Variants in ATP6V1D observed in about 807,000 individuals in gnomAD.
ATP6V1D encodes the protein ATPase H+ transporting V1 subunit D, also known as V-type proton ATPase subunit D.
Under a neutral mutation model 39.4 loss-of-function variants are expected in ATP6V1D, and 20 were observed. The observed-to-expected ratio is 0.51, with a 90% CI of 0.36 to 0.74. ATP6V1D has a LOEUF of 0.74. Among genes scored for constraint, ATP6V1D ranks in the 30% least tolerant of loss-of-function variants. The pLI is 0.00. For synonymous variants in ATP6V1D, 100 were observed against 100.5 expected (o/e 0.99, Z 0.03); for missense variants, 228 against 291.6 (o/e 0.78, Z 1.59).
intron 8 of ATP6V1D, among the ~76,000 whole-genome samples, chr14:67,339,806 G>C (rs184789885): frequency 1.9e-4 from 29 of 152,086 alleles, no homozygotes; most frequent in East Asian, 7.7e-4. Flanking sequence ...TCATTTTAAA[G>C]AATAATCAAG....
Position 67,340,485 on chromosome 14 carries a change from T to G in ATP6V1D, c.557A>C (p.Tyr186Ser). 1 of 1,613,640 alleles carries G rather than the reference T, an allele frequency of 6.2e-7. No homozygotes were observed. The highest frequency in any genetic ancestry group is 1.1e-5 in the South Asian group (1 of 91,078). ...IIPRIERTLA[Y>S]IITELDERER... ...TCTCTCATCCAGCTCTGTGATGATATAAGCAAGAGTACGTTCAATCCGGGG... is the reference window on the plus strand; with the variant it reads ...TCTCTCATCCAGCTCTGTGATGATAGAAGCAAGAGTACGTTCAATCCGGGG... Residue 186 changes from tyrosine (Y) to serine (S), a missense_variant, in exon 8 of 9, where the codon TAT (tyrosine) becomes TCT (serine). This residue lies in a region of ATP6V1D where 114 missense variants were observed against 128.3 expected (regional missense o/e 0.89). Transcript: ENST00000216442.
At chr14:67,354,048 G>C (rs1353134327) in intron 1 of ATP6V1D, 1 of 151,560 alleles carries the variant, frequency 6.6e-6, no homozygotes, top group Non-Finnish European at 1.5e-5. Context: ...CAGCAAGAAG[G>C]CCCTCACCCT....
At chr14:67,341,338 T>C (rs950756893) in intron 7 of ATP6V1D, among the ~76,000 whole-genome samples, 40 of 148,576 alleles carry the variant, frequency 2.7e-4, no homozygotes, top group African/African-American at 1.0e-3. Flanking sequence ...GTCTGAGAAG[T>C]GAGGAGACCC....
intron 7 of ATP6V1D, among the ~76,000 whole-genome samples, chr14:67,341,565 G>A (rs927548300): frequency 2.0e-5 from 3 of 150,510 alleles, no homozygotes; most frequent in Non-Finnish European, 3.0e-5. Flanking sequence ...GGGAGGTGGG[G>A]GGGTCAGCCC....
At chr14:67,355,583 G>C (rs974742846) in intron 1 of ATP6V1D, among the ~76,000 whole-genome samples, 1 of 151,634 alleles carries the variant, frequency 6.6e-6, no homozygotes, top group Non-Finnish European at 1.5e-5. Context: ...TAGATTGGGT[G>C]ATCAGGAACA....
At chr14:67,351,310 C>T (rs1310677335) in intron 2 of ATP6V1D, among the ~76,000 whole-genome samples, 3 of 152,032 alleles carry the variant, frequency 2.0e-5, no homozygotes, top group Non-Finnish European at 4.4e-5. Flanking sequence ...AGCTACCTAC[C>T]TCACATCATA....
intron 1 of ATP6V1D, among the ~76,000 whole-genome samples, chr14:67,358,911 T>A (rs186224145): frequency 3.9e-5 from 6 of 152,130 alleles, no homozygotes; most frequent in African/African-American, 1.4e-4. Flanking sequence ...TCAAGAAATA[T>A]TTTTTTGTGG....
chr14:67,343,452 AAATTAAT>A lies in ATP6V1D; in HGVS notation c.457-21_457-15del. 1 of 1,551,262 alleles carries A rather than the reference AAATTAAT, an allele frequency of 6.4e-7. No homozygotes were observed. Among genetic ancestry groups the A allele is most frequent in the Non-Finnish European group, 8.9e-7 (1 of 1,123,652 alleles). On this transcript the variant is annotated splice_polypyrimidine_tract_variant and intron_variant, in intron 6 of 8. Transcript: ENST00000216442. Reference sequence around the variant, plus strand: ...AACAAAAGAAGTCTAAAATAAGAACAAATTAATAATGTAAGCACAAAGTCTTCCTAAT... The same window carrying A: ...AACAAAAGAAGTCTAAAATAAGAACAAATGTAAGCACAAAGTCTTCCTAAT...
At chr14:67,357,752 G>A (rs966223322) in intron 1 of ATP6V1D, among the ~76,000 whole-genome samples, 3 of 152,162 alleles carry the variant, frequency 2.0e-5, no homozygotes, top group Admixed American at 6.5e-5. Flanking sequence ...GTAAGGGAGT[G>A]GCAGGGAGCC....
chr14:67,347,388 T>C (rs770255734), intron 5 of ATP6V1D, 21 bp downstream of exon 5: 1 of 1,573,512 alleles, frequency 6.4e-7, no homozygotes, highest in South Asian at 1.1e-5. Context: ...CACAAAGTAA[T>C]ACAAAAAGTT....
chr14:67,359,468 G>A (rs1298370268), intron 1 of ATP6V1D, among the ~76,000 whole-genome samples, 190 bp downstream of exon 1: 1 of 152,046 alleles, frequency 6.6e-6, no homozygotes, highest in Admixed American at 6.5e-5. Context: ...GCTTCGTCCA[G>A]CCTGATTCAC....
chr14:67,345,909 A>G (rs1389690120), intron 5 of ATP6V1D, 38 bp from the exon 6 acceptor site: 1 of 1,317,312 alleles, frequency 7.6e-7, no homozygotes, highest in African/African-American at 1.5e-5. Context: ...TAATTAGAGT[A>G]AAATATCTTC....
chr14:67,348,998 T>C (rs757698548), intron 4 of ATP6V1D, 39 bp downstream of exon 4: 41 of 1,588,252 alleles, frequency 2.6e-5, no homozygotes, highest in Non-Finnish European at 3.4e-5. Flanking sequence ...ATGTCACCTC[T>C]TTTCTCCCCA....
rs187109934 is a variant in ATP6V1D, at chr14:67,348,444, A to T, written c.307+593T>A. 5.3e-3 allele frequency among the ~76,000 whole-genome samples: 800 copies of T among 151,770 alleles called. 3 individuals are homozygous for T. Among genetic ancestry groups the T allele is most frequent in the Middle Eastern group, 0.038 (11 of 290 alleles). On this transcript the variant is annotated intron_variant, in intron 4 of 8. Transcript: ENST00000216442. ...CTGGTCTCGAACTCCTGACCTTGTG[A>T]TCCGCCCACCTCAGCCTCCCAAAGT...
Position 67,347,430 on chromosome 14 carries a change from G to A in ATP6V1D, c.331C>T (p.His111Tyr), listed in dbSNP as rs2085626207. Residue 111 changes from histidine to tyrosine, a missense_variant, in exon 5 of 9, where the codon CAT becomes TAT. By Grantham distance (83) the His-to-Tyr change is moderately conservative (BLOSUM62 2). Transcript: ENST00000216442. ...VAGVTLPVFE[H>Y]YHEGTDSYEL... is the part of the protein sequence containing the mutation. ...TTACTGTCAGTTCCTTCATGGTAAT[G>A]TTCAAATACTGGCAAAGTAACACCT... 40 of 1,607,304 alleles carry A rather than the reference G, an allele frequency of 2.5e-5. No homozygotes were observed. Among genetic ancestry groups the A allele is most frequent in the Non-Finnish European group, 3.3e-5 (39 of 1,175,076 alleles).
At chr14:67,358,340 C>A (rs1355926801) in intron 1 of ATP6V1D, among the ~76,000 whole-genome samples, 4 of 152,138 alleles carry the variant, frequency 2.6e-5, no homozygotes, top group Admixed American at 2.6e-4. Flanking sequence ...TTAAAAACTT[C>A]ATTTCATTAA....
Position 67,345,756 on chromosome 14 carries a change from T to C in ATP6V1D, c.456+12A>G. 6.3e-7 allele frequency: 1 copy of C among 1,588,818 alleles called. No homozygotes were observed. The highest frequency in any genetic ancestry group is 1.1e-5 in the South Asian group (1 of 90,442). On this transcript the variant is annotated intron_variant, in intron 6 of 8. Transcript: ENST00000216442. ...CAAACTACAGGAGTTCTCCAGGTCT[T>C]TTGCTACTTACCTGCAGAGAAGCTA...
At chr14:67,358,170 A>C (rs2085698847) in intron 1 of ATP6V1D, among the ~76,000 whole-genome samples, 1 of 152,120 alleles carries the variant, frequency 6.6e-6, no homozygotes, top group Non-Finnish European at 1.5e-5. Context: ...ACTAGTGTCG[A>C]TGTCTTTCAG....
chr14:67,340,525 T>TAA lies in ATP6V1D; in HGVS notation c.524-9_524-8dup. The TAA allele has an allele frequency of 3.4e-6, 5 of 1,452,730 alleles. No homozygotes were observed. Among genetic ancestry groups the TAA allele is most frequent in the East Asian group, 2.4e-5 (1 of 41,258 alleles). The allele number at this position is 1,452,730 out of a possible 1,614,324, so 90.0% of individuals were successfully genotyped here. ...TCAATCCGGGGAATGATGACTAGAA[T>TAA]AAAAAAAAAAATAATATGTGTGAGA... is the stretch of plus-strand genomic sequence containing the variant. On this transcript the variant is annotated splice_region_variant and splice_polypyrimidine_tract_variant and intron_variant, in intron 7 of 8. Coordinates refer to ENST00000216442, the MANE Select transcript of ATP6V1D (RefSeq NM_015994.4).
Sources: gnomAD v4.1 joint callset for allele counts (sites outside exome capture counted in the v4.1 genomes callset) on GRCh38, gnomAD v4.1.1 for gene constraint, gnomAD v4.1.1 regional missense constraint, MANE v1.5 for transcripts, NCBI Gene and HGNC (gene_info 2026-07-23, HGNC 2026-07-21) for gene names.